The following CDC20B variants were observed in gnomAD, a reference collection of about 807,000 sequenced individuals.
CDC20B encodes cell division cycle 20B.
CDC20B carries 58 observed loss-of-function variants against 64.1 expected under a neutral mutation model. That is an observed-to-expected ratio of 0.90 (90% CI 0.73 to 1.13). The LOEUF is 1.13. CDC20B is among the 50% of genes most tolerant of loss of function. The pLI is 0.00. For missense variants in CDC20B, 597 were observed against 633.0 expected (o/e 0.94, Z 0.61); for synonymous variants, 243 against 230.6 (o/e 1.05, Z -0.49).
rs947120177 is a variant in CDC20B at position 55,119,870 on chromosome 5, G to T, written c.1390C>A (p.Gln464Lys). 1.2e-6 allele frequency: 2 copies of T among 1,613,958 alleles called. No homozygotes were observed. Among genetic ancestry groups the T allele is most frequent in the South Asian group, 2.2e-5 (2 of 91,056 alleles). Residue 464 changes from glutamine to lysine, a missense_variant, in exon 11 of 12, where the codon CAA (glutamine) becomes AAA (lysine). Coordinates refer to ENST00000381375, the MANE Select transcript of CDC20B (RefSeq NM_001170402.1). ...GTCACATCATTCTTGGGAGTACCTT[G>T]ACCAGTTGCAATCTCCTTTGTCTTA... ...LPKTKEIATGQGTPKNDVTVW... is the reference protein window; with the variant it reads ...LPKTKEIATGKGTPKNDVTVW...
intron 9 of CDC20B, among the ~76,000 whole-genome samples, chr5:55,124,074 A>G (rs2111810520): frequency 6.6e-6 from 1 of 152,370 alleles, no homozygotes; most frequent in South Asian, 2.1e-4. Context: ...CCAAGTCCTC[A>G]AGAAGGAAAC....
chr5:55,135,217 ATG>A (rs141262172), intron 5 of CDC20B, among the ~76,000 whole-genome samples: 4,342 of 151,320 alleles, frequency 0.029, 230 homozygotes, highest in African/African-American at 0.1. Flanking sequence ...AATAAAGTGT[ATG>A]TGTGTGTGTG....
intron 2 of CDC20B, among the ~76,000 whole-genome samples, chr5:55,163,896 C>G (rs1268437425): frequency 6.6e-6 from 1 of 150,528 alleles, no homozygotes; most frequent in Non-Finnish European, 1.5e-5. Context: ...TCTGGTTACT[C>G]TAACCTTGAG....
At chr5:55,117,535 C>T (rs897369846) in intron 11 of CDC20B, among the ~76,000 whole-genome samples, 34 of 152,148 alleles carry the variant, frequency 2.2e-4, no homozygotes, top group African/African-American at 7.5e-4. Flanking sequence ...ATGGTCATGA[C>T]CCCCAGTTTG....
intron 2 of CDC20B, among the ~76,000 whole-genome samples, chr5:55,162,925 C>T (rs796467031): frequency 5.3e-5 from 8 of 152,222 alleles, no homozygotes; most frequent in African/African-American, 1.9e-4. Flanking sequence ...GTAAAAGGCC[C>T]GTATATCAAT....
rs75067711 is a variant in CDC20B, at chr5:55,172,654, T to G, written c.64-4A>C. On this transcript the variant is annotated splice_region_variant and splice_polypyrimidine_tract_variant and intron_variant, in intron 1 of 11. Transcript: ENST00000381375. ...AGAGCACACGCATGATACTTTCCTT[T>G]GAAAACACAGATAACATATTGAGGG... 1.0e-5 allele frequency: 16 copies of G among 1,606,734 alleles called. No individual in the cohort carries two copies. The South Asian group carries it at 1.8e-4, about 18-fold the overall frequency.
rs78868754 is a variant in CDC20B at position 55,121,999 on chromosome 5, C to T, written c.1216-1449G>A. 3.7e-4 allele frequency among the ~76,000 whole-genome samples: 57 copies of T among 152,272 alleles called. No individual in the cohort carries two copies. The East Asian group carries it at 0.011, about 29-fold the overall frequency. On this transcript the variant is annotated intron_variant, in intron 9 of 11. Coordinates refer to ENST00000381375, the MANE Select transcript of CDC20B (RefSeq NM_001170402.1). ...CCAACTTGCTAAATTTACCAAAGTT[C>T]TCCACTCCTTCTGTAAAACATACTT...
chr5:55,152,041 C>G (rs576740927), intron 2 of CDC20B, among the ~76,000 whole-genome samples: 1 of 152,356 alleles, frequency 6.6e-6, no homozygotes, highest in East Asian at 1.9e-4. Flanking sequence ...GGAGATGTGA[C>G]TGCACACAGA....
intron 11 of CDC20B, among the ~76,000 whole-genome samples, chr5:55,117,469 A>G (rs1461597218): frequency 2.0e-5 from 3 of 152,146 alleles, no homozygotes; most frequent in African/African-American, 7.2e-5. Flanking sequence ...TTCCCATCCT[A>G]TACTATTCTA....
At chr5:55,156,219 C>T (rs942076182) in intron 2 of CDC20B, among the ~76,000 whole-genome samples, 1 of 152,112 alleles carries the variant, frequency 6.6e-6, no homozygotes, top group African/African-American at 2.4e-5. Context: ...GGGGTAACTA[C>T]CCCCATGATT....
intron 4 of CDC20B, among the ~76,000 whole-genome samples, chr5:55,142,370 A>G (rs1743353360): frequency 6.6e-6 from 1 of 152,122 alleles, no homozygotes; most frequent in South Asian, 2.1e-4. Flanking sequence ...ACACCATAGA[A>G]CAGCTTCCAT....
At chr5:55,134,579 C>A (rs762700065) in intron 5 of CDC20B, among the ~76,000 whole-genome samples, 9 of 151,996 alleles carry the variant, frequency 5.9e-5, no homozygotes, top group Admixed American at 1.3e-4. Context: ...CTGGGCAACA[C>A]GGTGAAACCC....
At chr5:55,122,759 A>C (rs1176227695) in intron 9 of CDC20B, among the ~76,000 whole-genome samples, 1 of 152,180 alleles carries the variant, frequency 6.6e-6, no homozygotes, top group African/African-American at 2.4e-5. Context: ...AGGAAACCCA[A>C]ATCAGCCCAC....
intron 2 of CDC20B, among the ~76,000 whole-genome samples, chr5:55,156,212 GTAA>G (rs1213913907): frequency 6.6e-6 from 1 of 152,088 alleles, no homozygotes; most frequent in Non-Finnish European, 1.5e-5. Flanking sequence ...CAGTATAGGG[GTAA>G]CTACCCCCAT....
intron 2 of CDC20B, among the ~76,000 whole-genome samples, chr5:55,147,935 T>G (rs968214910): frequency 6.6e-6 from 1 of 152,198 alleles, no homozygotes; most frequent in South Asian, 2.1e-4. Context: ...TCTGTCCATC[T>G]TCTCTAAGAA....
At chr5:55,146,193 G>A (rs546501555) in intron 3 of CDC20B, among the ~76,000 whole-genome samples, 4 of 152,074 alleles carry the variant, frequency 2.6e-5, no homozygotes, top group South Asian at 4.2e-4. Context: ...CTGAGTCTCC[G>A]CCAATCACAG....
intron 2 of CDC20B, chr5:55,160,327 C>T: frequency 6.2e-7 from 1 of 1,613,810 alleles, no homozygotes; most frequent in African/African-American, 1.3e-5. Context: ...CTAAAATCAA[C>T]AGCTTTTATG....
chr5:55,149,711 A>T (rs1032796418), intron 2 of CDC20B, among the ~76,000 whole-genome samples: 1 of 152,170 alleles, frequency 6.6e-6, no homozygotes, highest in Non-Finnish European at 1.5e-5. Context: ...GGGGAGGAGG[A>T]AATGGGGAGC....
chr5:55,143,593 T>C lies in CDC20B; in HGVS notation c.406A>G (p.Ser136Gly), dbSNP rs762101309. The C allele has an allele frequency of 6.2e-7, 1 of 1,610,006 alleles. No homozygotes were observed. Among genetic ancestry groups the C allele is most frequent in the Non-Finnish European group, 8.5e-7 (1 of 1,177,644 alleles). ...KTPSKGISET[S>G]NSALHFCKAP... The stretch of plus-strand genomic sequence containing the variant: ...TTGCAAAAATGGAGAGCAGAGTTAC[T>C]TGTTTCAGAAATTCCTTTGCTGGGG... The change falls in exon 4 of 12, where the codon AGT (serine) becomes GGT (glycine). Residue 136 changes from serine to glycine, a missense_variant. By Grantham distance (56) the Ser-to-Gly change is moderately conservative. Coordinates refer to ENST00000381375, the MANE Select transcript of CDC20B (RefSeq NM_001170402.1).
Sources: allele counts gnomAD v4.1 joint callset (sites outside exome capture counted in the v4.1 genomes callset), GRCh38; gene constraint gnomAD v4.1.1; transcripts MANE v1.5; gene names NCBI Gene and HGNC (gene_info 2026-07-23, HGNC 2026-07-21).